The following PCDHA13 variants were observed in gnomAD, a reference collection of about 807,000 sequenced individuals.
PCDHA13 encodes the protein protocadherin alpha-13.
Under a neutral mutation model 64.8 loss-of-function variants are expected in PCDHA13, and 54 were observed. The observed-to-expected ratio is 0.83, with a 90% CI of 0.67 to 1.04. The LOEUF (loss-of-function observed/expected upper bound fraction) is 1.04. PCDHA13 is among the 50% of genes least tolerant of loss of function. The probability of loss-of-function intolerance (pLI) is 0.00; values close to 1 mark genes in which losing one functional copy is unlikely to be tolerated. For missense variants in PCDHA13, 1,248 were observed against 1,254.3 expected (o/e 0.99, Z 0.08); for synonymous variants, 587 against 564.4 (o/e 1.04, Z -0.57).
chr5:141,009,103 C>G (rs1440460108), intron 3 of PCDHA13, among the ~76,000 whole-genome samples: 1 of 152,170 alleles, frequency 6.6e-6, no homozygotes, highest in African/African-American at 2.4e-5. Flanking sequence ...ACATATGTTA[C>G]TATGAAACTA....
intron 2 of PCDHA13, among the ~76,000 whole-genome samples, chr5:140,979,622 T>C (rs1300997272): frequency 6.6e-6 from 1 of 152,246 alleles, no homozygotes; most frequent in Non-Finnish European, 1.5e-5. Flanking sequence ...GGTATTAGTC[T>C]AAGACTCAGA....
At chr5:141,001,957 G>A in intron 3 of PCDHA13, among the ~76,000 whole-genome samples, 1 of 152,294 alleles carries the variant, frequency 6.6e-6, no homozygotes, top group African/African-American at 2.4e-5. Flanking sequence ...AGGAGGGAGA[G>A]GCGGGGTGTC....
At chr5:140,968,278 G>A in intron 1 of PCDHA13, 1 of 1,614,014 alleles carries the variant, frequency 6.2e-7, no homozygotes, top group Non-Finnish European at 8.5e-7. Context: ...ATGCAGAGGT[G>A]ACCTACTCCC....
At chr5:141,005,437 C>T (rs1469007749) in intron 3 of PCDHA13, among the ~76,000 whole-genome samples, 4 of 152,092 alleles carry the variant, frequency 2.6e-5, no homozygotes, top group African/African-American at 7.2e-5. Context: ...GGATGAGAGG[C>T]TCACGCCTGT....
At chr5:140,998,696 C>G (rs1587806526) in intron 3 of PCDHA13, among the ~76,000 whole-genome samples, 1 of 152,182 alleles carries the variant, frequency 6.6e-6, no homozygotes, top group East Asian at 1.9e-4. Flanking sequence ...TCCCAAGTAG[C>G]TGGGATTACA....
At chr5:141,003,928 G>A (rs1479798792) in intron 3 of PCDHA13, among the ~76,000 whole-genome samples, 1 of 152,128 alleles carries the variant, frequency 6.6e-6, no homozygotes, top group Non-Finnish European at 1.5e-5. Context: ...CCTCAGTCTT[G>A]TCTTTGCCTG....
intron 1 of PCDHA13, among the ~76,000 whole-genome samples, chr5:140,964,393 C>T (rs782008532): frequency 6.6e-6 from 1 of 152,098 alleles, no homozygotes; most frequent in Admixed American, 6.5e-5. Context: ...GTTTTTCTCC[C>T]AAGACATGAC....
intron 1 of PCDHA13, among the ~76,000 whole-genome samples, chr5:140,921,352 T>C (rs889434892): frequency 6.6e-6 from 1 of 152,190 alleles, no homozygotes; most frequent in Non-Finnish European, 1.5e-5. Context: ...TATATTTGCC[T>C]ATATTCAAGT....
intron 1 of PCDHA13, among the ~76,000 whole-genome samples, chr5:140,964,743 T>C (rs1373954630): frequency 6.7e-6 from 1 of 150,048 alleles, no homozygotes; most frequent in Non-Finnish European, 1.5e-5. Flanking sequence ...ACAGAATTAT[T>C]GTAGGGATGT....
chr5:140,918,918 C>T (rs1338973615), intron 1 of PCDHA13, among the ~76,000 whole-genome samples: 1 of 152,224 alleles, frequency 6.6e-6, no homozygotes, highest in Non-Finnish European at 1.5e-5. Context: ...ATTAACTACA[C>T]AGCATATGGC....
chr5:141,003,240 C>T (rs1563674729), intron 3 of PCDHA13, among the ~76,000 whole-genome samples: 2 of 152,150 alleles, frequency 1.3e-5, no homozygotes, highest in South Asian at 4.1e-4. Context: ...GAAATTTTGC[C>T]AAAAAGATTC....
chr5:140,891,974 C>T (rs2063333007), intron 1 of PCDHA13, among the ~76,000 whole-genome samples: 1 of 152,170 alleles, frequency 6.6e-6, no homozygotes, highest in South Asian at 2.1e-4. Context: ...AATTTCCGTT[C>T]TCATAAATTA....
At chr5:140,940,776 T>A (rs2092683795) in intron 1 of PCDHA13, among the ~76,000 whole-genome samples, 1 of 152,222 alleles carries the variant, frequency 6.6e-6, no homozygotes, top group African/African-American at 2.4e-5. Flanking sequence ...CTTTTGATGG[T>A]CCATATCCTG....
intron 1 of PCDHA13, among the ~76,000 whole-genome samples, chr5:140,901,849 A>AT (rs1167488433): frequency 2.0e-5 from 3 of 151,932 alleles, no homozygotes; most frequent in Non-Finnish European, 4.4e-5. Context: ...ATATCTTTCC[A>AT]TTTTTTTGTG....
At chr5:140,980,897 A>G (rs2096910436) in intron 2 of PCDHA13, among the ~76,000 whole-genome samples, 1 of 152,186 alleles carries the variant, frequency 6.6e-6, no homozygotes, top group African/African-American at 2.4e-5. Context: ...AGTCTTGGAC[A>G]TCATGTAACT....
At chr5:140,929,249 G>C (rs1212088369) in intron 1 of PCDHA13, 14 of 1,613,366 alleles carry the variant, frequency 8.7e-6, no homozygotes, top group Non-Finnish European at 1.2e-5. Flanking sequence ...CTTGCCACTG[G>C]GGTAGGACTG....
chr5:141,005,819 G>A, intron 3 of PCDHA13, among the ~76,000 whole-genome samples: 1 of 151,636 alleles, frequency 6.6e-6, no homozygotes, highest in South Asian at 2.1e-4. Context: ...CAGGTATGGT[G>A]GCCTGTAGTC....
chr5:140,978,182 AC>A (rs1240611427), intron 1 of PCDHA13, among the ~76,000 whole-genome samples: 1 of 152,186 alleles, frequency 6.6e-6, no homozygotes, highest in African/African-American at 2.4e-5. Context: ...AGAGAGGGCA[AC>A]AGATCTTTTC....
At chr5:140,933,047 A>G (rs1482395906) in intron 1 of PCDHA13, among the ~76,000 whole-genome samples, 2 of 152,030 alleles carry the variant, frequency 1.3e-5, no homozygotes, top group Non-Finnish European at 1.5e-5. Flanking sequence ...TATGGATTAC[A>G]GTCCAGGATC....
Sources: allele counts gnomAD v4.1 joint callset (sites outside exome capture counted in the v4.1 genomes callset), GRCh38; gene constraint gnomAD v4.1.1; transcripts MANE v1.5; gene names NCBI Gene and HGNC (gene_info 2026-07-23, HGNC 2026-07-21).